The following B3GAT2 variants were observed in gnomAD, a reference collection of about 807,000 sequenced individuals.
B3GAT2 encodes galactosylgalactosylxylosylprotein 3-beta-glucuronosyltransferase 2.
Under a neutral mutation model 27.8 loss-of-function variants are expected in B3GAT2, and 26 were observed. The observed-to-expected ratio is 0.93, with a 90% CI of 0.68 to 1.30. The LOEUF (loss-of-function observed/expected upper bound fraction) is 1.30. B3GAT2 is among the 50% of genes most tolerant of loss of function. The probability of loss-of-function intolerance (pLI) is 0.00; values close to 1 mark genes in which losing one functional copy is unlikely to be tolerated. For missense variants in B3GAT2, 458 were observed against 459.0 expected, an observed-to-expected ratio of 1.00 and a Z score of 0.02; for synonymous variants, 218 against 195.1, an observed-to-expected ratio of 1.12 and a Z score of -0.98.
At chr6:70,913,605 T>C (rs997808526) in intron 1 of B3GAT2, among the ~76,000 whole-genome samples, 1 of 152,238 alleles carries the variant, frequency 6.6e-6, no homozygotes, top group Non-Finnish European at 1.5e-5. Flanking sequence ...TTGCTAAGAA[T>C]TGACTTATGG....
chr6:70,934,438 T>C (rs1046423771), intron 1 of B3GAT2, among the ~76,000 whole-genome samples: 4 of 151,084 alleles, frequency 2.6e-5, no homozygotes, highest in African/African-American at 9.7e-5. Flanking sequence ...GTATTGTTAT[T>C]AAATGCACTG....
intron 2 of B3GAT2, among the ~76,000 whole-genome samples, chr6:70,886,034 T>C (rs1186942526): frequency 6.6e-6 from 1 of 152,240 alleles, no homozygotes; most frequent in Non-Finnish European, 1.5e-5. Context: ...AAGAGTGACA[T>C]TCACCAAGTG....
intron 1 of B3GAT2, among the ~76,000 whole-genome samples, chr6:70,901,611 T>C (rs1300105501): frequency 2.6e-5 from 4 of 152,260 alleles, no homozygotes; most frequent in East Asian, 3.8e-4. Flanking sequence ...GAAAGTGGCG[T>C]AGAGTGGCTG....
chr6:70,955,959 A>C lies in B3GAT2; in HGVS notation c.471T>G (p.Thr157=), dbSNP rs770096506. Residue 157 remains threonine (T), a synonymous_variant, in exon 1 of 4, where the codon ACT becomes ACG. Coordinates refer to ENST00000230053, the MANE Select transcript of B3GAT2 (RefSeq NM_080742.3). ...AGGCGAGGCCCGCGTTGCGCTGCTCAGTGGCGCGCGGCAGCCCGGGCCGCT... is the reference window on the plus strand; with the variant it reads ...AGGCGAGGCCCGCGTTGCGCTGCTCCGTGGCGCGCGGCAGCCCGGGCCGCT... ...RYKRPGLPRA[T]EQRNAGLAWL... 9.9e-6 allele frequency: 15 copies of C among 1,513,706 alleles called. No individual in the cohort carries two copies. In the African/African-American group the frequency reaches 1.7e-4, roughly 18 times the overall value. 93.8% of individuals were successfully genotyped at this position (1,513,706 alleles called of 1,614,324 possible). A position where few individuals can be genotyped will look rare whatever the true frequency, so the allele number is the denominator to read the frequency against.
At chr6:70,939,619 T>G (rs58610784) in intron 1 of B3GAT2, among the ~76,000 whole-genome samples, 3,717 of 151,556 alleles carry the variant, frequency 0.025, 140 homozygotes, top group African/African-American at 0.083. Flanking sequence ...AAATTGGAAA[T>G]CATCATTCTC....
rs541596781 is a variant in B3GAT2, at chr6:70,901,802, C to T, written c.592-7530G>A. Among the ~76,000 whole-genome samples the T allele has an allele frequency of 2.2e-3, 339 of 152,144 alleles. 1 individual carries two copies. The highest frequency in any genetic ancestry group is 4.6e-3 in the Admixed American group (71 of 15,296). On this transcript the variant is annotated intron_variant, in intron 1 of 3. Transcript: ENST00000230053. ...ACTGAAAAACAGATCAAATGGGCCA[C>T]GCATTTCAAAAATGTATGGAGGCAG... is the stretch of plus-strand genomic sequence containing the variant.
At chr6:70,868,210 T>C (rs1018297722) in intron 2 of B3GAT2, among the ~76,000 whole-genome samples, 1 of 152,192 alleles carries the variant, frequency 6.6e-6, no homozygotes, top group Non-Finnish European at 1.5e-5. Context: ...TTATACTTAA[T>C]TGGTGAAAGA....
chr6:70,933,500 G>A (rs926328765), intron 1 of B3GAT2, among the ~76,000 whole-genome samples: 1 of 152,214 alleles, frequency 6.6e-6, no homozygotes, highest in Non-Finnish European at 1.5e-5. Context: ...GAGCAAGGCT[G>A]CAGCTCCTCT....
At position 70,955,717 on chromosome 6, in the gene B3GAT2, G is replaced by A. The variant is rs1040983200; in HGVS notation, c.591+122C>T. 9.3e-5 allele frequency: 111 copies of A among 1,187,212 alleles called. 2 individuals carry two copies. The Middle Eastern group carries it at 1.5e-3, about 16-fold the overall frequency. 73.5% of individuals were successfully genotyped at this position (1,187,212 alleles called of 1,614,324 possible). ...CGGCTCCACTCGGTGCCCCGAATGC[G>A]CGCACGGAGAACTGAGAACTCAAAA... is the stretch of plus-strand genomic sequence containing the variant. On this transcript the variant is annotated intron_variant, in intron 1 of 3. Transcript: ENST00000230053.
chr6:70,897,487 A>G (rs1033385947), intron 1 of B3GAT2, among the ~76,000 whole-genome samples: 2 of 151,922 alleles, frequency 1.3e-5, no homozygotes, highest in Non-Finnish European at 2.9e-5. Context: ...CTGTAATTCC[A>G]GCACACTTTG....
rs879370358 is a variant in B3GAT2 at position 70,857,429 on chromosome 6, A to G, written c.*4234T>C. 9.6e-5 allele frequency: 16 copies of G among 167,492 alleles called. No individual in the cohort carries two copies. Among genetic ancestry groups the G allele is most frequent in the Non-Finnish European group, 1.4e-4 (11 of 77,748 alleles). 10.4% of individuals were successfully genotyped at this position (167,492 alleles called of 1,614,324 possible). A position where few individuals can be genotyped will look rare whatever the true frequency, so the allele number is the denominator to read the frequency against. ...TATGAATTTTTTTGTAATCATAACA[A>G]AATATTAGCATAAGCCTTATTGTTT... On this transcript the variant is annotated 3_prime_UTR_variant, in exon 4 of 4. Transcript: ENST00000230053.
At chr6:70,911,890 T>G (rs1772694180) in intron 1 of B3GAT2, among the ~76,000 whole-genome samples, 1 of 152,180 alleles carries the variant, frequency 6.6e-6, no homozygotes. Flanking sequence ...TGCGTAGGTA[T>G]TTTATTTTTT....
At chr6:70,922,588 A>T (rs569394804) in intron 1 of B3GAT2, among the ~76,000 whole-genome samples, 1 of 152,232 alleles carries the variant, frequency 6.6e-6, no homozygotes, top group Admixed American at 6.5e-5. Context: ...AATTATTTTT[A>T]AAATGAACAA....
At chr6:70,952,249 C>T (rs1468219777) in intron 1 of B3GAT2, among the ~76,000 whole-genome samples, 1 of 152,168 alleles carries the variant, frequency 6.6e-6, no homozygotes, top group Non-Finnish European at 1.5e-5. Flanking sequence ...CAGTCACTGA[C>T]TCCTTTGATA....
At chr6:70,929,910 G>C (rs1378372281) in intron 1 of B3GAT2, among the ~76,000 whole-genome samples, 1 of 152,132 alleles carries the variant, frequency 6.6e-6, no homozygotes, top group East Asian at 1.9e-4. Context: ...AAAGATCAAA[G>C]CTGGAGGCAT....
intron 1 of B3GAT2, among the ~76,000 whole-genome samples, chr6:70,926,121 C>A (rs1582384934): frequency 6.6e-6 from 1 of 151,874 alleles, no homozygotes. Flanking sequence ...ATCAACAAAA[C>A]TAGCATCAAC....
intron 2 of B3GAT2, among the ~76,000 whole-genome samples, chr6:70,887,674 G>T (rs117316429): frequency 0.018 from 2,787 of 152,306 alleles, 30 homozygotes; most frequent in Middle Eastern, 0.031. Context: ...CTGTGACAAG[G>T]TGCAGAGGTA....
rs1771602955 is a variant in B3GAT2, at chr6:70,859,470, T to TTTATG, written c.*2188_*2192dup. 5.3e-6 allele frequency: 6 copies of TTTATG among 1,142,594 alleles called. No homozygotes were observed. The East Asian group carries it at 1.6e-4, about 30-fold the overall frequency. 70.8% of individuals were successfully genotyped at this position (1,142,594 alleles called of 1,614,324 possible). ...CACTTATGCCTGATTAGTGATGTAG[T>TTTATG]TTATGTTAGTGTCTTTGAAACTGTA... On this transcript the variant is annotated 3_prime_UTR_variant, in exon 4 of 4. Coordinates refer to ENST00000230053, the MANE Select transcript of B3GAT2 (RefSeq NM_080742.3).
At chr6:70,864,060 CCTTT>C (rs1771810641) in intron 2 of B3GAT2, among the ~76,000 whole-genome samples, 1 of 134,006 alleles carries the variant, frequency 7.5e-6, no homozygotes, top group African/African-American at 2.7e-5. Context: ...TAAGCTTTAT[CCTTT>C]TTTTTTTTTT....
Sources: allele counts gnomAD v4.1 joint callset (sites outside exome capture counted in the v4.1 genomes callset), GRCh38; gene constraint gnomAD v4.1.1; transcripts MANE v1.5; gene names NCBI Gene and HGNC (gene_info 2026-07-23, HGNC 2026-07-21).